The following ARSB variants were observed in gnomAD, a reference collection of about 807,000 sequenced individuals.
ARSB encodes arylsulfatase B, also known as N-acetylgalactosamine-4-sulfatase.
A neutral mutation model predicts 50.9 loss-of-function variants in ARSB; 41 were observed. The ratio of observed to expected loss-of-function variants is 0.81; its 90% CI spans 0.63 to 1.04. The LOEUF (loss-of-function observed/expected upper bound fraction) is 1.04. Ranked by LOEUF, ARSB falls within the 50% of genes least tolerant of loss-of-function variation. ARSB has a pLI of 0.00. For synonymous variants in ARSB, 269 were observed against 284.8 expected, an observed-to-expected ratio of 0.94 and a Z score of 0.56; for missense variants, 672 against 693.3, an observed-to-expected ratio of 0.97 and a Z score of 0.35.
At chr5:78,795,405 G>A (rs928960140) in intron 6 of ARSB, among the ~76,000 whole-genome samples, 1 of 152,182 alleles carries the variant, frequency 6.6e-6, no homozygotes, top group East Asian at 1.9e-4. Context: ...CAGCTTTGGG[G>A]AGGAGGGGGC....
At chr5:78,787,193 C>T (rs1417405348) in intron 6 of ARSB, among the ~76,000 whole-genome samples, 3 of 152,044 alleles carry the variant, frequency 2.0e-5, no homozygotes, top group South Asian at 2.1e-4. Context: ...TGGCCTCAAG[C>T]GATCCAGCCT....
At chr5:78,792,942 C>G (rs868634466) in intron 6 of ARSB, among the ~76,000 whole-genome samples, 1 of 152,122 alleles carries the variant, frequency 6.6e-6, no homozygotes, top group Non-Finnish European at 1.5e-5. Flanking sequence ...ATTTTCCCCA[C>G]ATAACCTGTA....
intron 4 of ARSB, among the ~76,000 whole-genome samples, chr5:78,889,996 A>G (rs1748210350): frequency 6.6e-6 from 1 of 152,178 alleles, no homozygotes; most frequent in Non-Finnish European, 1.5e-5. Context: ...GCCCTGATGC[A>G]AGGGTGACTA....
intron 4 of ARSB, among the ~76,000 whole-genome samples, chr5:78,923,788 G>A (rs774964127): frequency 6.6e-6 from 1 of 152,194 alleles, no homozygotes; most frequent in Non-Finnish European, 1.5e-5. Flanking sequence ...GGACTTCAGT[G>A]AATAGGTTCA....
At chr5:78,907,366 G>A (rs760593722) in intron 4 of ARSB, among the ~76,000 whole-genome samples, 1 of 152,144 alleles carries the variant, frequency 6.6e-6, no homozygotes, top group Non-Finnish European at 1.5e-5. Flanking sequence ...TCAACGTGGT[G>A]GAAAAGTGTT....
At chr5:78,874,659 T>C (rs542030482) in intron 5 of ARSB, among the ~76,000 whole-genome samples, 5 of 152,086 alleles carry the variant, frequency 3.3e-5, no homozygotes, top group African/African-American at 1.2e-4. Flanking sequence ...AATAAAAATA[T>C]TTATAAATAT....
Position 78,778,876 on chromosome 5 carries a change from G to C in ARSB, c.*1521C>G, listed in dbSNP as rs1257641033. On this transcript the variant is annotated 3_prime_UTR_variant, in exon 8 of 8. Coordinates refer to ENST00000264914, the MANE Select transcript of ARSB (RefSeq NM_000046.5). Reference sequence around the variant, plus strand: ...TCTTTTCAAAAAATAAAATTAGCTGGGTGTGGCGGTATATGCCTGTAGTTC... The same window carrying C: ...TCTTTTCAAAAAATAAAATTAGCTGCGTGTGGCGGTATATGCCTGTAGTTC... 3 of 152,040 alleles carry C rather than the reference G, an allele frequency of 2.0e-5. No individual in the cohort carries two copies. Among genetic ancestry groups the C allele is most frequent in the Non-Finnish European group, 4.4e-5 (3 of 68,022 alleles). 9.4% of individuals were successfully genotyped at this position (152,040 alleles called of 1,614,324 possible). A position where few individuals can be genotyped will look rare whatever the true frequency, so the allele number is the denominator to read the frequency against.
intron 4 of ARSB, among the ~76,000 whole-genome samples, chr5:78,915,293 T>A (rs1749495509): frequency 6.6e-6 from 1 of 152,204 alleles, no homozygotes; most frequent in Non-Finnish European, 1.5e-5. Context: ...TTGGCTTTTT[T>A]TTTTTCTTGA....
At chr5:78,803,576 T>C (rs1743468820) in intron 6 of ARSB, among the ~76,000 whole-genome samples, 1 of 152,182 alleles carries the variant, frequency 6.6e-6, no homozygotes, top group Non-Finnish European at 1.5e-5. Flanking sequence ...GCACCACTCT[T>C]GCAAGCTTCC....
At chr5:78,807,682 C>G (rs1743618249) in intron 6 of ARSB, among the ~76,000 whole-genome samples, 5 of 152,192 alleles carry the variant, frequency 3.3e-5, no homozygotes, top group Admixed American at 3.3e-4. Flanking sequence ...TTTGGACCCT[C>G]TTCTCTAACT....
chr5:78,953,975 A>G (rs1223848563), intron 4 of ARSB, among the ~76,000 whole-genome samples: 1 of 152,172 alleles, frequency 6.6e-6, no homozygotes, highest in Non-Finnish European at 1.5e-5. Context: ...ACAAAAAAGG[A>G]ATTATCAGAA....
In ARSB at chr5:78,780,294, G is replaced by A. The variant is rs1561421053; in HGVS notation, c.*103C>T. 9 of 1,515,568 alleles carry A rather than the reference G, an allele frequency of 5.9e-6. No individual in the cohort carries two copies. Among genetic ancestry groups the A allele is most frequent in the Non-Finnish European group, 8.2e-6 (9 of 1,095,202 alleles). 93.9% of individuals were successfully genotyped at this position (1,515,568 alleles called of 1,614,324 possible). A position where few individuals can be genotyped will look rare whatever the true frequency, so the allele number is the denominator to read the frequency against. On this transcript the variant is annotated 3_prime_UTR_variant, in exon 8 of 8. Coordinates refer to ENST00000264914, the MANE Select transcript of ARSB (RefSeq NM_000046.5). ...TCGGTGTGGTTTAAGAGCAAGAGAAGGGCCAAGTGAACCCAGGTTGGGATA... is the reference window on the plus strand; with the variant it reads ...TCGGTGTGGTTTAAGAGCAAGAGAAAGGCCAAGTGAACCCAGGTTGGGATA...
At chr5:78,925,798 T>C (rs1750016907) in intron 4 of ARSB, among the ~76,000 whole-genome samples, 1 of 152,218 alleles carries the variant, frequency 6.6e-6, no homozygotes, top group Non-Finnish European at 1.5e-5. Context: ...GACTTCCCTG[T>C]GTTTATTTCC....
intron 1 of ARSB, among the ~76,000 whole-genome samples, chr5:78,982,687 T>C (rs1054823844): frequency 6.6e-6 from 1 of 152,226 alleles, no homozygotes; most frequent in Non-Finnish European, 1.5e-5. Context: ...CACTTGTAAG[T>C]GCTCAGAACA....
chr5:78,853,368 G>A (rs1049157144), intron 5 of ARSB, among the ~76,000 whole-genome samples: 1 of 152,210 alleles, frequency 6.6e-6, no homozygotes, highest in Non-Finnish European at 1.5e-5. Context: ...CTGCAGAACA[G>A]CGGATTTTCG....
intron 4 of ARSB, among the ~76,000 whole-genome samples, chr5:78,894,731 TAAC>T (rs1008855822): frequency 1.3e-5 from 2 of 152,194 alleles, no homozygotes; most frequent in Non-Finnish European, 2.9e-5. Context: ...TAATCAATAA[TAAC>T]AAGAACCTCT....
chr5:78,893,444 T>TC lies in ARSB; in HGVS notation c.899-7618_899-7617insG, dbSNP rs1310086798. Among the ~76,000 whole-genome samples the TC allele has an allele frequency of 5.6e-3, 855 of 152,322 alleles. 12 individuals are homozygous for TC. The highest frequency in any genetic ancestry group is 0.02 in the African/African-American group (823 of 41,560). The stretch of plus-strand genomic sequence containing the variant: ...TGTTATAAAAGTTTGTAGTAAAATA[T>TC]TTCCTCACTTTAATGAGGCTAATGC... On this transcript the variant is annotated intron_variant, in intron 4 of 7. Coordinates refer to ENST00000264914, the MANE Select transcript of ARSB (RefSeq NM_000046.5).
chr5:78,902,227 T>C (rs531506308), intron 4 of ARSB, among the ~76,000 whole-genome samples: 1 of 152,336 alleles, frequency 6.6e-6, no homozygotes, highest in South Asian at 2.1e-4. Flanking sequence ...GACAGTGACA[T>C]TAATCTATTC....
chr5:78,846,977 C>T (rs1000298429), intron 5 of ARSB, among the ~76,000 whole-genome samples: 1 of 152,100 alleles, frequency 6.6e-6, no homozygotes, highest in African/African-American at 2.4e-5. Context: ...TGAATTGTAT[C>T]AAATCCTTTT....
Sources: allele counts gnomAD v4.1 joint callset (sites outside exome capture counted in the v4.1 genomes callset), GRCh38; gene constraint gnomAD v4.1.1; transcripts MANE v1.5; gene names NCBI Gene and HGNC (gene_info 2026-07-23, HGNC 2026-07-21).